Variants in PCDH15 observed in about 807,000 individuals in gnomAD.
PCDH15 encodes protocadherin-15.
In PCDH15, 129 loss-of-function variants were observed where a neutral mutation model predicts 178.5. The ratio of observed to expected loss-of-function variants is 0.72; its 90% CI spans 0.63 to 0.84. PCDH15 has a LOEUF of 0.84. PCDH15 is among the 40% of genes least tolerant of loss of function. PCDH15 has a pLI of 0.00. For missense variants in PCDH15, 2,230 were observed against 2,099.9 expected, an observed-to-expected ratio of 1.06 and a Z score of -1.21; for synonymous variants, 800 against 732.0, an observed-to-expected ratio of 1.09 and a Z score of -1.50.
intron 2 of PCDH15, among the ~76,000 whole-genome samples, chr10:54,604,352 G>C (rs776527212): frequency 3.9e-5 from 6 of 151,900 alleles, no homozygotes; most frequent in Non-Finnish European, 8.8e-5. Flanking sequence ...TGGATGTTCT[G>C]TCCATTATTA....
At chr10:53,888,294 A>ATGTATATG (rs2081250474) in intron 26 of PCDH15, among the ~76,000 whole-genome samples, 1 of 69,642 alleles carries the variant, frequency 1.4e-5, no homozygotes, top group African/African-American at 6.9e-5. Context: ...ATATATACAT[A>ATGTATATG]TATATATATA....
chr10:54,221,574 A>G (rs1419132497), intron 9 of PCDH15, among the ~76,000 whole-genome samples: 1 of 151,840 alleles, frequency 6.6e-6, no homozygotes, highest in Non-Finnish European at 1.5e-5. Context: ...CATAATAGGA[A>G]TGGGATCATT....
intron 2 of PCDH15, among the ~76,000 whole-genome samples, chr10:55,428,185 T>C (rs1800624291): frequency 6.6e-6 from 1 of 152,028 alleles, no homozygotes; most frequent in South Asian, 2.1e-4. Flanking sequence ...AGGTCAAATA[T>C]ATTAATGTGT....
chr10:54,233,542 G>A (rs531133198), intron 9 of PCDH15, among the ~76,000 whole-genome samples: 1 of 152,206 alleles, frequency 6.6e-6, no homozygotes, highest in East Asian at 1.9e-4. Context: ...TGGTTTTATG[G>A]CCTAACATGA....
rs918111078 is a variant in PCDH15 at position 55,229,585 on chromosome 10, C to T, written c.-155-62934G>A. On this transcript the variant is annotated intron_variant, in intron 1 of 5. Transcript: ENST00000458638. ...GGTAATTTCTTATCAACAGCATGAA[C>T]AACTATGTCCATTATTCAAAATGTC... 7.2e-5 allele frequency among the ~76,000 whole-genome samples: 11 copies of T among 152,076 alleles called. No homozygotes were observed. In the South Asian group the frequency reaches 2.3e-3, roughly 31 times the overall value.
At chr10:54,155,710 T>A (rs1237543147) in intron 13 of PCDH15, among the ~76,000 whole-genome samples, 3 of 150,986 alleles carry the variant, frequency 2.0e-5, no homozygotes, top group Non-Finnish European at 4.4e-5. Flanking sequence ...AGCAGGAGAA[T>A]TGCTTGAACC....
intron 2 of PCDH15, among the ~76,000 whole-genome samples, chr10:55,030,398 T>C (rs1436817458): frequency 1.3e-5 from 2 of 152,170 alleles, no homozygotes; most frequent in East Asian, 1.9e-4. Context: ...GAGGGATATT[T>C]TGTAGAATAA....
At chr10:55,266,199 AC>A (rs1165979259) in intron 1 of PCDH15, among the ~76,000 whole-genome samples, 1 of 144,344 alleles carries the variant, frequency 6.9e-6, no homozygotes. Flanking sequence ...ACCTTATAAA[AC>A]TTTTTTTTTT....
At chr10:54,057,245 C>G (rs975900636) in intron 18 of PCDH15, among the ~76,000 whole-genome samples, 1 of 152,198 alleles carries the variant, frequency 6.6e-6, no homozygotes, top group South Asian at 2.1e-4. Flanking sequence ...AGTGGGGACT[C>G]TGTGTGGGGG....
rs146450260 is a variant in PCDH15 at position 55,408,364 on chromosome 10, T to A, written c.-156+219261A>T. 1.3e-3 allele frequency among the ~76,000 whole-genome samples: 197 copies of A among 152,024 alleles called. 3 individuals carry two copies. The highest frequency in any genetic ancestry group is 4.7e-3 in the African/African-American group (196 of 41,500). ...CCACGCCCTACTATTTTTTGTATTG[T>A]TAGTAGAGACGGGGATTCACCATAT... On this transcript the variant is annotated intron_variant, in intron 2 of 5. Coordinates refer to the PCDH15 transcript ENST00000613346.
chr10:55,213,515 T>C (rs1840623232), intron 1 of PCDH15, among the ~76,000 whole-genome samples: 1 of 152,000 alleles, frequency 6.6e-6, no homozygotes, highest in South Asian at 2.1e-4. Context: ...TATGTTAACT[T>C]TGAGTTCATT....
At chr10:54,089,914 G>T in intron 16 of PCDH15, 70 bp downstream of exon 16, 2 of 1,185,728 alleles carry the variant, frequency 1.7e-6, no homozygotes, top group South Asian at 1.2e-5. Flanking sequence ...CCTCTGATTA[G>T]AAGTCTGCTT....
chr10:54,753,668 G>C (rs1946640995), intron 1 of PCDH15, among the ~76,000 whole-genome samples: 2 of 152,038 alleles, frequency 1.3e-5, no homozygotes, highest in South Asian at 4.1e-4. Context: ...CAATATATGT[G>C]AAAATGGTCT....
intron 2 of PCDH15, among the ~76,000 whole-genome samples, chr10:55,528,683 G>A (rs7073124): frequency 0.019 from 2,965 of 152,124 alleles, 105 homozygotes; most frequent in African/African-American, 0.068. Flanking sequence ...GCCTCAATAA[G>A]CATACGTGTG....
chr10:54,461,082 A>G (rs2077136301), intron 3 of PCDH15, among the ~76,000 whole-genome samples: 1 of 152,086 alleles, frequency 6.6e-6, no homozygotes, highest in South Asian at 2.1e-4. Context: ...GAGTGACAGC[A>G]TATTAGCCAA....
intron 15 of PCDH15, among the ~76,000 whole-genome samples, chr10:54,104,181 T>C (rs1260315133): frequency 6.6e-6 from 1 of 152,144 alleles, no homozygotes; most frequent in Non-Finnish European, 1.5e-5. Flanking sequence ...GAAAGGCTGA[T>C]GGCAGCATGG....
At chr10:55,407,837 C>T (rs1326831143) in intron 2 of PCDH15, among the ~76,000 whole-genome samples, 18 of 152,154 alleles carry the variant, frequency 1.2e-4, no homozygotes, top group Admixed American at 1.2e-3. Context: ...AATAAAGAAT[C>T]TGAATAGTCT....
chr10:54,606,395 T>A (rs2092742350), intron 2 of PCDH15: 1 of 152,100 alleles, frequency 6.6e-6, no homozygotes. Context: ...TCAAAGCAGC[T>A]ACTAGAAACC....
chr10:54,626,566 T>C (rs903622294), intron 2 of PCDH15, among the ~76,000 whole-genome samples: 4 of 152,112 alleles, frequency 2.6e-5, no homozygotes, highest in African/African-American at 9.7e-5. Context: ...TGTACAGAAG[T>C]CAAGAATTGA....
Sources: allele counts gnomAD v4.1 joint callset (sites outside exome capture counted in the v4.1 genomes callset), GRCh38; gene constraint gnomAD v4.1.1; transcripts MANE v1.5; gene names NCBI Gene and HGNC (gene_info 2026-07-23, HGNC 2026-07-21).